The following STX6 variants were observed in gnomAD, a reference collection of about 807,000 sequenced individuals.
STX6 encodes syntaxin 6.
A neutral mutation model predicts 38.0 loss-of-function variants in STX6; 23 were observed. The ratio of observed to expected loss-of-function variants is 0.60; its 90% CI spans 0.43 to 0.86. The LOEUF (loss-of-function observed/expected upper bound fraction) is 0.86. STX6 is among the 40% of genes least tolerant of loss of function. The pLI is 0.00. For missense variants in STX6, 274 were observed against 312.9 expected, an observed-to-expected ratio of 0.88 and a Z score of 0.94; for synonymous variants, 123 against 107.5, an observed-to-expected ratio of 1.14 and a Z score of -0.89.
intron 4 of STX6, 141 bp from the exon 5 acceptor site, chr1:180,990,250 A>T: frequency 6.6e-6 from 7 of 1,061,144 alleles, no homozygotes; most frequent in Non-Finnish European, 9.4e-6. Context: ...GTAGTGGTGT[A>T]GGTTGGTGCC....
Position 180,973,354 on chromosome 1 carries a change from C to T in STX6, c.*3216G>A, listed in dbSNP as rs1273678394. Reference sequence around the variant, plus strand: ...AAAAAGGTAACAGGGAACAGATATCCCTTTGGTCTCACTTTATAGACAGGG... The same window carrying T: ...AAAAAGGTAACAGGGAACAGATATCTCTTTGGTCTCACTTTATAGACAGGG... On this transcript the variant is annotated 3_prime_UTR_variant, in exon 8 of 8. Transcript: ENST00000258301. 3.9e-5 allele frequency: 6 copies of T among 152,584 alleles called. No individual in the cohort carries two copies. The highest frequency in any genetic ancestry group is 8.8e-5 in the Non-Finnish European group (6 of 68,032). 9.5% of individuals were successfully genotyped at this position (152,584 alleles called of 1,614,324 possible).
intron 1 of STX6, among the ~76,000 whole-genome samples, chr1:181,019,217 C>T (rs1491002569): frequency 6.6e-6 from 1 of 152,178 alleles, no homozygotes; most frequent in Non-Finnish European, 1.5e-5. Context: ...TTCTAACACA[C>T]ATTGCCCAAC....
rs533496601 is a variant in STX6 at position 180,977,105 on chromosome 1, T to C, written c.692-459A>G. On this transcript the variant is annotated intron_variant, in intron 7 of 7. Transcript: ENST00000258301. ...GGAGATGAAAGCTACTGCTGGTCAC[T>C]TCAGGAAATATACAGCTGAAAAAGC... 3.3e-5 allele frequency among the ~76,000 whole-genome samples: 5 copies of C among 152,310 alleles called. No individual in the cohort carries two copies. In the South Asian group the frequency reaches 1.0e-3, roughly 32 times the overall value.
At chr1:180,992,978 C>T (rs1232332182) in intron 4 of STX6, among the ~76,000 whole-genome samples, 12 of 152,162 alleles carry the variant, frequency 7.9e-5, no homozygotes, top group Admixed American at 7.9e-4. Flanking sequence ...TCCTCACTGT[C>T]AAAGGGCCTG....
chr1:181,010,742 A>C (rs769109167), intron 1 of STX6, among the ~76,000 whole-genome samples: 29 of 152,096 alleles, frequency 1.9e-4, no homozygotes, highest in Non-Finnish European at 4.1e-4. Context: ...AGTTTTAGCC[A>C]CCACAGCTTT....
At chr1:180,978,260 G>A (rs553004938) in intron 7 of STX6, among the ~76,000 whole-genome samples, 1 of 152,352 alleles carries the variant, frequency 6.6e-6, no homozygotes, top group African/African-American at 2.4e-5. Flanking sequence ...TCAGAGAAGT[G>A]AGGTCACATG....
chr1:181,016,461 A>C (rs1656558086), intron 1 of STX6, among the ~76,000 whole-genome samples: 1 of 152,164 alleles, frequency 6.6e-6, no homozygotes, highest in African/African-American at 2.4e-5. Flanking sequence ...AATATTAAAC[A>C]CTCAAATTTA....
intron 2 of STX6, among the ~76,000 whole-genome samples, chr1:181,004,683 T>C (rs943632995): frequency 2.0e-5 from 3 of 152,236 alleles, no homozygotes; most frequent in Non-Finnish European, 4.4e-5. Context: ...TTACAACAAA[T>C]GGATAAACCT....
chr1:181,011,407 G>T (rs1656394694), intron 1 of STX6, among the ~76,000 whole-genome samples: 1 of 152,196 alleles, frequency 6.6e-6, no homozygotes, highest in Non-Finnish European at 1.5e-5. Context: ...AAGAAGGCAT[G>T]AACTGGAAGC....
chr1:180,981,352 A>AT (rs957592936), intron 7 of STX6, among the ~76,000 whole-genome samples: 1 of 152,186 alleles, frequency 6.6e-6, no homozygotes, highest in Non-Finnish European at 1.5e-5. Context: ...TAGTTTATTA[A>AT]TTTTTTAAAA....
Position 180,974,970 on chromosome 1 carries a change from T to C in STX6, c.*1600A>G, listed in dbSNP as rs1460698433. Reference sequence around the variant, plus strand: ...GAGATAAAATATCCTTCTTCAAAAATTGTTAAGAATATTTATTAAAAAGTG... The same window carrying C: ...GAGATAAAATATCCTTCTTCAAAAACTGTTAAGAATATTTATTAAAAAGTG... On this transcript the variant is annotated 3_prime_UTR_variant, in exon 8 of 8. Coordinates refer to ENST00000258301, the MANE Select transcript of STX6 (RefSeq NM_005819.6). 1.3e-5 allele frequency: 2 copies of C among 152,578 alleles called. No homozygotes were observed. The highest frequency in any genetic ancestry group is 2.9e-5 in the Non-Finnish European group (2 of 68,022). The allele number at this position is 152,578 out of a possible 1,614,324, so 9.5% of individuals were successfully genotyped here. A position where few individuals can be genotyped will look rare whatever the true frequency, so the allele number is the denominator to read the frequency against.
rs1434842194 is a variant in STX6, at chr1:181,002,659, T to C, written c.247A>G (p.Thr83Ala). The change falls in exon 3 of 8, where the codon ACT becomes GCT. Residue 83 changes from threonine (T) to alanine (A), a missense_variant. By Grantham distance (58) the Thr-to-Ala change is moderately conservative. Coordinates refer to ENST00000258301, the MANE Select transcript of STX6 (RefSeq NM_005819.6). The part of the protein sequence containing the change: ...ANPRKFNLDA[T>A]ELSIRKAFIT... The stretch of plus-strand genomic sequence containing the variant: ...AAGGCTTTTCTTATACTCAATTCAG[T>C]TGCATCAAGGTTAAATTTTCTAGGA... 4 of 1,613,790 alleles carry C rather than the reference T, an allele frequency of 2.5e-6. No homozygotes were observed. The highest frequency in any genetic ancestry group is 2.2e-5 in the South Asian group (2 of 91,072).
intron 1 of STX6, among the ~76,000 whole-genome samples, chr1:181,010,577 C>T (rs1243754251): frequency 1.3e-5 from 2 of 152,182 alleles, no homozygotes; most frequent in African/African-American, 4.8e-5. Flanking sequence ...GCTAGGATTA[C>T]AGGTGTGAGC....
At chr1:181,003,886 T>G (rs1656152081) in intron 2 of STX6, among the ~76,000 whole-genome samples, 1 of 152,242 alleles carries the variant, frequency 6.6e-6, no homozygotes, top group South Asian at 2.1e-4. Context: ...AGATCTGCTT[T>G]TACTAAATGC....
intron 2 of STX6, 78 bp from the exon 3 acceptor site, chr1:181,002,778 A>C (rs1043121221): frequency 5.3e-6 from 5 of 941,062 alleles, no homozygotes; most frequent in Admixed American, 2.0e-5. Context: ...AATCTCTCAC[A>C]TGCAAACAAA....
rs1435140798 is a variant in STX6 at position 180,974,964 on chromosome 1, C to G, written c.*1606G>C. ...TCAAATGAGATAAAATATCCTTCTT[C>G]AAAAATTGTTAAGAATATTTATTAA... On this transcript the variant is annotated 3_prime_UTR_variant, in exon 8 of 8. Transcript: ENST00000258301. 3 of 152,460 alleles carry G rather than the reference C, an allele frequency of 2.0e-5. No individual in the cohort carries two copies. The highest frequency in any genetic ancestry group is 4.8e-5 in the African/African-American group (2 of 41,400). The allele number at this position is 152,460 out of a possible 1,614,324, so 9.4% of individuals were successfully genotyped here. A position where few individuals can be genotyped will look rare whatever the true frequency, so the allele number is the denominator to read the frequency against.
At chr1:180,980,075 C>T (rs1200484904) in intron 7 of STX6, among the ~76,000 whole-genome samples, 1 of 151,958 alleles carries the variant, frequency 6.6e-6, no homozygotes, top group Non-Finnish European at 1.5e-5. Context: ...GGCGTGGTGG[C>T]GCAGGCCTGT....
intron 1 of STX6, among the ~76,000 whole-genome samples, chr1:181,019,920 T>A (rs1050945049): frequency 1.3e-5 from 2 of 151,994 alleles, no homozygotes; most frequent in Non-Finnish European, 1.5e-5. Flanking sequence ...CACAGCACTT[T>A]GGGAGGCCGA....
intron 1 of STX6, among the ~76,000 whole-genome samples, chr1:181,010,458 C>T (rs1179637953): frequency 6.6e-6 from 1 of 151,888 alleles, no homozygotes; most frequent in African/African-American, 2.4e-5. Flanking sequence ...TGCGCCACCA[C>T]ACTCAGCTAA....
Sources: allele counts gnomAD v4.1 joint callset (sites outside exome capture counted in the v4.1 genomes callset), GRCh38; gene constraint gnomAD v4.1.1; transcripts MANE v1.5; gene names NCBI Gene and HGNC (gene_info 2026-07-23, HGNC 2026-07-21).